DNM3: variants seen among roughly 807,000 people sequenced by gnomAD.
DNM3 encodes the protein dynamin-3.
A neutral mutation model predicts 101.6 loss-of-function variants in DNM3; 47 were observed. That is an observed-to-expected ratio of 0.46 (90% CI 0.37 to 0.59). The LOEUF (loss-of-function observed/expected upper bound fraction) is 0.59, where lower values mean the gene tolerates loss of function less well. Among genes scored for constraint, DNM3 ranks in the 20% least tolerant of loss-of-function variants. DNM3 has a pLI of 0.00. For synonymous variants in DNM3, 385 were observed against 387.9 expected, an observed-to-expected ratio of 0.99 and a Z score of 0.09; for missense variants, 849 against 1,085.7, an observed-to-expected ratio of 0.78 and a Z score of 3.06.
chr1:172,120,037 C>T (rs1005874689), intron 13 of DNM3, among the ~76,000 whole-genome samples: 6 of 152,144 alleles, frequency 3.9e-5, no homozygotes, highest in Non-Finnish European at 5.9e-5. Context: ...TTTCCTCTCT[C>T]GAATCTCTTC....
chr1:172,180,748 A>G, intron 14 of DNM3, among the ~76,000 whole-genome samples: 1 of 152,080 alleles, frequency 6.6e-6, no homozygotes, highest in Admixed American at 6.6e-5. Context: ...TTTCCTCCCA[A>G]TACTGATGTT....
chr1:172,048,066 A>G (rs1344523075), intron 9 of DNM3, among the ~76,000 whole-genome samples: 1 of 152,210 alleles, frequency 6.6e-6, no homozygotes, highest in African/African-American at 2.4e-5. Context: ...GTTTGAATTA[A>G]TTAGAGCCCA....
At chr1:172,053,694 TA>T (rs2050370487) in intron 10 of DNM3, among the ~76,000 whole-genome samples, 1 of 152,226 alleles carries the variant, frequency 6.6e-6, no homozygotes, top group Non-Finnish European at 1.5e-5. Context: ...TTTAAAATAG[TA>T]TTTTAGCCAT....
chr1:171,913,515 A>T (rs115030723), intron 1 of DNM3, among the ~76,000 whole-genome samples: 1 of 152,208 alleles, frequency 6.6e-6, no homozygotes, highest in Non-Finnish European at 1.5e-5. Flanking sequence ...TACTTCCTCT[A>T]GCGATTAAAA....
Position 172,390,304 on chromosome 1 carries a change from T to A in DNM3, c.2522+1495T>A, listed in dbSNP as rs999010322. Among the ~76,000 whole-genome samples, 5 of 152,330 alleles carry A rather than the reference T, an allele frequency of 3.3e-5. No homozygotes were observed. The South Asian group carries it at 1.0e-3, about 32-fold the overall frequency. ...AAAGCTCACAACAAATAGGTTGTTA[T>A]CCACATTTTACAGATGAGGCAGTGA... On this transcript the variant is annotated intron_variant, in intron 20 of 20. Transcript: ENST00000627582.
In DNM3 at chr1:172,253,609, C is replaced by G; in HGVS notation, c.1696C>G (p.Leu566Val). The change falls in exon 15 of 21, where the codon CTG becomes GTG. Residue 566 changes from leucine to valine, a missense_variant. Physicochemically the swap from Leu to Val is conservative, Grantham distance 32. Around this residue, in one of 5 missense-constraint regions of DNM3, gnomAD observed 193 missense variants for 238.4 expected, o/e 0.81. Transcript: ENST00000627582. ...GAAGTACATGCTTCCCTTGGACAAC[C>G]TGAAAGTTCGGGATGTGGAAAAGAG... ...EKKYMLPLDN[L>V]KVRDVEKSFM... 1 of 1,589,822 alleles carries G rather than the reference C, an allele frequency of 6.3e-7. No homozygotes were observed. The highest frequency in any genetic ancestry group is 8.6e-7 in the Non-Finnish European group (1 of 1,167,528).
intron 11 of DNM3, among the ~76,000 whole-genome samples, chr1:172,077,004 G>T (rs571259853): frequency 7.5e-4 from 114 of 152,196 alleles, no homozygotes; most frequent in African/African-American, 2.7e-3. Flanking sequence ...CTTGTTATTG[G>T]TCTATTCAGG....
intron 17 of DNM3, among the ~76,000 whole-genome samples, chr1:172,359,886 C>T (rs187770393): frequency 1.3e-3 from 196 of 152,046 alleles, no homozygotes; most frequent in Middle Eastern, 3.4e-3. Context: ...GCCTAACCTG[C>T]GTTCTGCAAG....
chr1:172,248,395 T>C (rs765526884), intron 14 of DNM3, among the ~76,000 whole-genome samples: 1 of 152,192 alleles, frequency 6.6e-6, no homozygotes, highest in Non-Finnish European at 1.5e-5. Context: ...ATGTAATAAC[T>C]GTTACATGTA....
At chr1:172,048,782 T>C in intron 10 of DNM3, 32 bp downstream of exon 10, 1 of 1,604,240 alleles carries the variant, frequency 6.2e-7, no homozygotes, top group South Asian at 1.1e-5. Flanking sequence ...TTCCAGTACG[T>C]GGCTTTGGTT....
intron 13 of DNM3, among the ~76,000 whole-genome samples, chr1:172,123,399 T>A (rs1293740398): frequency 6.6e-6 from 1 of 152,172 alleles, no homozygotes; most frequent in East Asian, 1.9e-4. Context: ...CACCTGGGCA[T>A]ATTTGTGGTG....
chr1:172,302,288 T>A (rs1373607054), intron 15 of DNM3, among the ~76,000 whole-genome samples: 4 of 152,212 alleles, frequency 2.6e-5, no homozygotes, highest in Non-Finnish European at 5.9e-5. Context: ...AGTCTGAGAT[T>A]GACTTGCCAG....
At chr1:171,882,520 G>GCA (rs1441421052) in intron 1 of DNM3, among the ~76,000 whole-genome samples, 3 of 151,310 alleles carry the variant, frequency 2.0e-5, no homozygotes, top group Non-Finnish European at 4.4e-5. Flanking sequence ...AAACATTTCA[G>GCA]CATGTATTTC....
chr1:171,935,100 A>G (rs905597178), intron 2 of DNM3, among the ~76,000 whole-genome samples: 7 of 152,044 alleles, frequency 4.6e-5, no homozygotes, highest in African/African-American at 9.7e-5. Context: ...TTGCTTTTAT[A>G]TTTGCAGAAT....
chr1:172,359,125 A>AAAACACACACACAC (rs1553244161), intron 17 of DNM3, among the ~76,000 whole-genome samples: 1 of 145,704 alleles, frequency 6.9e-6, no homozygotes, highest in Non-Finnish European at 1.5e-5. Flanking sequence ...ACTCCCACAA[A>AAAACACACACACAC]ACACACACAC....
downstream of DNM3, among the ~76,000 whole-genome samples, chr1:172,417,091 T>G (rs1401817410): frequency 1.3e-5 from 2 of 152,138 alleles, no homozygotes; most frequent in African/African-American, 4.8e-5. Flanking sequence ...TTTTGTTTTT[T>G]TTTTATAGAC....
chr1:172,167,961 A>T (rs1326517449), intron 14 of DNM3, among the ~76,000 whole-genome samples: 1 of 151,988 alleles, frequency 6.6e-6, no homozygotes, highest in Non-Finnish European at 1.5e-5. Context: ...GTGGAGATTA[A>T]TTCCTGACGC....
intron 1 of DNM3, among the ~76,000 whole-genome samples, chr1:171,856,467 A>C (rs143222561): frequency 2.6e-5 from 4 of 152,290 alleles, no homozygotes; most frequent in African/African-American, 9.6e-5. Context: ...TTTGGGCAAT[A>C]TGGCCATTTT....
intron 20 of DNM3, among the ~76,000 whole-genome samples, chr1:172,389,960 C>G (rs9425299): frequency 6.6e-6 from 1 of 151,666 alleles, no homozygotes; most frequent in African/African-American, 2.4e-5. Context: ...AACTCTGAGA[C>G]GGGAGTTCTT....
Sources: gnomAD v4.1 joint callset for allele counts (sites outside exome capture counted in the v4.1 genomes callset) on GRCh38, gnomAD v4.1.1 for gene constraint, gnomAD v4.1.1 regional missense constraint, MANE v1.5 for transcripts, NCBI Gene and HGNC (gene_info 2026-07-23, HGNC 2026-07-21) for gene names.